The following BAIAP2L1 variants were observed in gnomAD, a reference collection of about 807,000 sequenced individuals.
The protein encoded by BAIAP2L1 is BAR/IMD domain-containing adapter protein 2-like 1.
BAIAP2L1 carries 35 observed loss-of-function variants against 66.3 expected under a neutral mutation model. The ratio of observed to expected loss-of-function variants is 0.53; its 90% confidence interval spans 0.40 to 0.70. The LOEUF is 0.70. Among genes scored for constraint, BAIAP2L1 ranks in the 30% least tolerant of loss-of-function variants. The pLI, the probability that BAIAP2L1 is intolerant of heterozygous loss-of-function variation, is 0.00. For missense variants in BAIAP2L1, 622 were observed against 656.9 expected, an observed-to-expected ratio of 0.95 and a Z score of 0.58; for synonymous variants, 269 against 248.7, an observed-to-expected ratio of 1.08 and a Z score of -0.77.
At chr7:98,377,590 G>A (rs747060100) in intron 1 of BAIAP2L1, among the ~76,000 whole-genome samples, 2 of 152,010 alleles carry the variant, frequency 1.3e-5, no homozygotes, top group African/African-American at 2.4e-5. Context: ...AGACCAAGGC[G>A]GGTGGATCAC....
At chr7:98,322,754 C>T (rs544202070) in intron 3 of BAIAP2L1, 2 of 152,500 alleles carry the variant, frequency 1.3e-5, no homozygotes, top group East Asian at 3.9e-4. Context: ...ATCCCTCATC[C>T]TCTCTCTGGA....
intron 1 of BAIAP2L1, among the ~76,000 whole-genome samples, chr7:98,377,938 G>T (rs996996382): frequency 6.6e-6 from 1 of 150,676 alleles, no homozygotes; most frequent in Non-Finnish European, 1.5e-5. Context: ...GACCAGCCTG[G>T]CCAACACATA....
At chr7:98,376,100 G>A (rs1242676390) in intron 1 of BAIAP2L1, among the ~76,000 whole-genome samples, 1 of 152,096 alleles carries the variant, frequency 6.6e-6, no homozygotes, top group Non-Finnish European at 1.5e-5. Flanking sequence ...TCTGAGATCT[G>A]CTCACCTTGG....
chr7:98,389,817 A>G (rs1318813230), intron 1 of BAIAP2L1, among the ~76,000 whole-genome samples: 2 of 152,116 alleles, frequency 1.3e-5, no homozygotes, highest in African/African-American at 2.4e-5. Flanking sequence ...CCCTGAAAGT[A>G]AAGTCTTGAC....
rs759016514 is a variant in BAIAP2L1 at position 98,310,412 on chromosome 7, G to A, written c.955+33C>T. The A allele has an allele frequency of 2.6e-5, 40 of 1,557,678 alleles. No homozygotes were observed. In the South Asian group the frequency reaches 4.7e-4, roughly 18 times the overall value. On this transcript the variant is annotated intron_variant, in intron 9 of 13. Coordinates refer to ENST00000005260, the MANE Select transcript of BAIAP2L1 (RefSeq NM_018842.5). ...GCTTATCTTAAAACAAATGTAAAAG[G>A]TATCTTCAAATAAATCAGACTGAAT...
intron 7 of BAIAP2L1, among the ~76,000 whole-genome samples, chr7:98,313,699 AC>A (rs1800963179): frequency 6.6e-6 from 1 of 151,788 alleles, no homozygotes; most frequent in African/African-American, 2.4e-5. Flanking sequence ...GCTCACTGCA[AC>A]CTCGAACTCC....
chr7:98,302,527 AAC>A (rs1350104597), intron 12 of BAIAP2L1, among the ~76,000 whole-genome samples: 1 of 152,226 alleles, frequency 6.6e-6, no homozygotes, highest in African/African-American at 2.4e-5. Flanking sequence ...GCAAAACAGC[AAC>A]AGACTCTGAG....
intron 1 of BAIAP2L1, among the ~76,000 whole-genome samples, chr7:98,394,601 A>T (rs1803156795): frequency 6.6e-6 from 1 of 152,228 alleles, no homozygotes; most frequent in Non-Finnish European, 1.5e-5. Flanking sequence ...GCAAGGATGA[A>T]GAGCAACTGG....
chr7:98,393,776 C>T (rs1004061782), intron 1 of BAIAP2L1, among the ~76,000 whole-genome samples: 10 of 148,634 alleles, frequency 6.7e-5, no homozygotes, highest in South Asian at 4.5e-4. Flanking sequence ...TGAGCCACCG[C>T]GCCTGGTTTA....
chr7:98,393,193 T>TTATA (rs1253389647), intron 1 of BAIAP2L1, among the ~76,000 whole-genome samples: 1 of 89,614 alleles, frequency 1.1e-5, no homozygotes, highest in African/African-American at 3.2e-5. Context: ...ATGTGTGTGT[T>TTATA]TATATATATA....
At chr7:98,390,393 G>T (rs1345522306) in intron 1 of BAIAP2L1, among the ~76,000 whole-genome samples, 2 of 151,792 alleles carry the variant, frequency 1.3e-5, no homozygotes, top group Non-Finnish European at 2.9e-5. Flanking sequence ...ATATTTATCT[G>T]CTTTACATTA....
At chr7:98,329,332 T>C (rs1584460932) in intron 3 of BAIAP2L1, among the ~76,000 whole-genome samples, 1 of 152,290 alleles carries the variant, frequency 6.6e-6, no homozygotes, top group South Asian at 2.1e-4. Flanking sequence ...CAGAGACCAA[T>C]GCTGGGGCCA....
At chr7:98,365,778 C>T (rs1308568405) in intron 1 of BAIAP2L1, among the ~76,000 whole-genome samples, 3 of 152,192 alleles carry the variant, frequency 2.0e-5, no homozygotes, top group East Asian at 1.9e-4. Flanking sequence ...CCACGCCCAG[C>T]CTTTTGATTG....
intron 1 of BAIAP2L1, among the ~76,000 whole-genome samples, chr7:98,399,101 C>T (rs1308979939): frequency 1.2e-4 from 19 of 152,312 alleles, no homozygotes; most frequent in Middle Eastern, 3.4e-3. Flanking sequence ...CATGCAGCAA[C>T]GTCTTCCGGG....
intron 2 of BAIAP2L1, 33 bp from the exon 3 acceptor site, chr7:98,355,161 C>G: frequency 6.8e-7 from 1 of 1,469,270 alleles, no homozygotes; most frequent in Non-Finnish European, 9.5e-7. Flanking sequence ...AAAATCGTCA[C>G]TTAGACAAGG....
intron 12 of BAIAP2L1, among the ~76,000 whole-genome samples, chr7:98,300,720 C>G (rs967163463): frequency 6.6e-6 from 1 of 152,036 alleles, no homozygotes; most frequent in Non-Finnish European, 1.5e-5. Context: ...TGTGAAGGTA[C>G]GAAAGACAGG....
intron 3 of BAIAP2L1, among the ~76,000 whole-genome samples, chr7:98,345,798 G>C (rs1198651225): frequency 6.6e-6 from 1 of 152,114 alleles, no homozygotes; most frequent in African/African-American, 2.4e-5. Flanking sequence ...CAAATGGCTA[G>C]TAAGAACATG....
At chr7:98,353,505 TA>T (rs901708074) in intron 3 of BAIAP2L1, among the ~76,000 whole-genome samples, 2 of 131,642 alleles carry the variant, frequency 1.5e-5, no homozygotes, top group African/African-American at 6.1e-5. Context: ...CATATATTTA[TA>T]TTATAAATAC....
intron 1 of BAIAP2L1, among the ~76,000 whole-genome samples, chr7:98,388,773 AG>A (rs1365220833): frequency 6.6e-6 from 1 of 152,134 alleles, no homozygotes; most frequent in African/African-American, 2.4e-5. Context: ...CAGGAGTTCA[AG>A]ACCAGCCTGG....
Sources: allele counts gnomAD v4.1 joint callset (sites outside exome capture counted in the v4.1 genomes callset), GRCh38; gene constraint gnomAD v4.1.1; transcripts MANE v1.5; gene names NCBI Gene and HGNC (gene_info 2026-07-23, HGNC 2026-07-21).